PCSK2: variants seen among roughly 807,000 people sequenced by gnomAD.
The protein encoded by PCSK2 is proprotein convertase subtilisin/kexin type 2.
A neutral mutation model predicts 69.7 loss-of-function variants in PCSK2; 14 were observed. The ratio of observed to expected loss-of-function variants is 0.20; its 90% confidence interval spans 0.13 to 0.31. PCSK2 has a LOEUF of 0.31. Among genes scored for constraint, PCSK2 ranks in the 10% least tolerant of loss-of-function variants. The pLI, the probability that PCSK2 is intolerant of heterozygous loss-of-function variation, is 1.00. For missense variants in PCSK2, 544 were observed against 842.5 expected (o/e 0.65, Z 4.39); for synonymous variants, 307 against 320.7 (o/e 0.96, Z 0.46).
At chr20:17,428,506 A>C (rs768438545) in intron 6 of PCSK2, among the ~76,000 whole-genome samples, 1 of 152,260 alleles carries the variant, frequency 6.6e-6, no homozygotes, top group East Asian at 1.9e-4. Flanking sequence ...CAGACAGTGC[A>C]CTAGTTGATG....
chr20:17,243,203 A>AT (rs1168829034), intron 1 of PCSK2, among the ~76,000 whole-genome samples: 2 of 152,026 alleles, frequency 1.3e-5, no homozygotes, highest in Non-Finnish European at 2.9e-5. Context: ...TGTTTGGGTA[A>AT]TTTTTTATTG....
intron 1 of PCSK2, among the ~76,000 whole-genome samples, chr20:17,230,660 C>T (rs8126028): frequency 0.18 from 27,410 of 151,916 alleles, 2,977 homozygotes; most frequent in Non-Finnish European, 0.25. Flanking sequence ...CTAATGGGTA[C>T]GTGTATTTAT....
intron 5 of PCSK2, among the ~76,000 whole-genome samples, chr20:17,376,715 A>C (rs1269337114): frequency 6.6e-6 from 1 of 152,232 alleles, no homozygotes; most frequent in Non-Finnish European, 1.5e-5. Flanking sequence ...TCAACAGTGC[A>C]GTTTACCTAT....
At chr20:17,247,865 G>A (rs1444119643) in intron 1 of PCSK2, among the ~76,000 whole-genome samples, 1 of 152,170 alleles carries the variant, frequency 6.6e-6, no homozygotes, top group Non-Finnish European at 1.5e-5. Flanking sequence ...GTTCCCTACT[G>A]CTGGGAAAAT....
At chr20:17,348,350 G>A (rs909806109) in intron 2 of PCSK2, among the ~76,000 whole-genome samples, 2 of 152,208 alleles carry the variant, frequency 1.3e-5, no homozygotes, top group Non-Finnish European at 2.9e-5. Flanking sequence ...TTTGGAACAA[G>A]GGAAGTCACT....
intron 6 of PCSK2, among the ~76,000 whole-genome samples, chr20:17,410,126 A>G (rs74399216): frequency 6.8e-6 from 1 of 147,988 alleles, no homozygotes; most frequent in Admixed American, 6.7e-5. Flanking sequence ...CACTTTATCC[A>G]TTTTTTTTTT....
chr20:17,251,092 T>A (rs1418232301), intron 1 of PCSK2, among the ~76,000 whole-genome samples: 1 of 151,554 alleles, frequency 6.6e-6, no homozygotes, highest in African/African-American at 2.4e-5. Flanking sequence ...AAAGTGAGAC[T>A]CCAAAAAATT....
chr20:17,393,246 A>T (rs1031607319), intron 5 of PCSK2, among the ~76,000 whole-genome samples: 1 of 152,164 alleles, frequency 6.6e-6, no homozygotes, highest in African/African-American at 2.4e-5. Context: ...CTAAGCTAAG[A>T]TACTTCATTC....
chr20:17,258,154 A>T (rs563063822), intron 1 of PCSK2, among the ~76,000 whole-genome samples: 2 of 152,268 alleles, frequency 1.3e-5, no homozygotes, highest in East Asian at 3.9e-4. Flanking sequence ...TCTACTATGT[A>T]TTTGGCTACT....
At chr20:17,380,966 G>A (rs1366346564) in intron 5 of PCSK2, among the ~76,000 whole-genome samples, 4 of 152,044 alleles carry the variant, frequency 2.6e-5, no homozygotes, top group Non-Finnish European at 5.9e-5. Flanking sequence ...TTTCCCCTGG[G>A]AGCACATCCT....
At chr20:17,421,807 TAAAAAAAAAAAAAAAA>T (rs56376793) in intron 6 of PCSK2, among the ~76,000 whole-genome samples, 9 of 78,968 alleles carry the variant, frequency 1.1e-4, no homozygotes, top group African/African-American at 3.0e-4. Context: ...GGAAGAGAGG[TAAAAAAAAAAAAAAAA>T]AAAAAAAAAA....
chr20:17,436,929 C>T, intron 8 of PCSK2, 46 bp downstream of exon 8: 1 of 1,507,622 alleles, frequency 6.6e-7, no homozygotes, highest in Admixed American at 2.2e-5. Flanking sequence ...CAAGTTGGGA[C>T]AAAGTGGGTG....
intron 1 of PCSK2, among the ~76,000 whole-genome samples, chr20:17,241,482 G>C (rs1223067932): frequency 6.6e-6 from 1 of 152,180 alleles, no homozygotes; most frequent in Non-Finnish European, 1.5e-5. Context: ...AAGAAGTTGA[G>C]CTAATAGTGA....
intron 5 of PCSK2, 35 bp downstream of exon 5, chr20:17,369,312 G>A: frequency 6.3e-7 from 1 of 1,585,616 alleles, no homozygotes; most frequent in Non-Finnish European, 8.7e-7. Flanking sequence ...GGAAACAGAT[G>A]CATCTTAAAT....
intron 2 of PCSK2, among the ~76,000 whole-genome samples, chr20:17,286,064 G>A (rs1015127999): frequency 4.6e-5 from 7 of 152,122 alleles, no homozygotes; most frequent in African/African-American, 1.7e-4. Flanking sequence ...ATAAATGTAA[G>A]GCAGAAATGG....
chr20:17,414,870 G>T (rs2031963394), intron 6 of PCSK2, among the ~76,000 whole-genome samples: 1 of 152,164 alleles, frequency 6.6e-6, no homozygotes, highest in Non-Finnish European at 1.5e-5. Flanking sequence ...GGAATGCAAG[G>T]CTGGTTCAAC....
In PCSK2 at chr20:17,388,873, A is replaced by C. The variant is rs111836834; in HGVS notation, c.543+19596A>C. Among the ~76,000 whole-genome samples the C allele has an allele frequency of 9.3e-3, 1,422 of 152,314 alleles. 9 individuals carry two copies. The highest frequency in any genetic ancestry group is 0.015 in the South Asian group (73 of 4,822). ...TTTTGACGGGAATATATTTAGTAAC[A>C]GTATCACTGATGTTCAGTCTCAAGC... On this transcript the variant is annotated intron_variant, in intron 5 of 11. Coordinates refer to ENST00000262545, the MANE Select transcript of PCSK2 (RefSeq NM_002594.5).
chr20:17,350,528 T>C (rs114835265), intron 2 of PCSK2, among the ~76,000 whole-genome samples: 2,382 of 152,050 alleles, frequency 0.016, 61 homozygotes, highest in African/African-American at 0.054. Context: ...GAAGTGATCA[T>C]GGCCCAGGTC....
intron 2 of PCSK2, among the ~76,000 whole-genome samples, chr20:17,311,272 T>G (rs1190025582): frequency 6.6e-6 from 1 of 152,216 alleles, no homozygotes; most frequent in Non-Finnish European, 1.5e-5. Flanking sequence ...ACATCTACTT[T>G]TTAACATTTG....
Sources: allele counts gnomAD v4.1 joint callset (sites outside exome capture counted in the v4.1 genomes callset), GRCh38; gene constraint gnomAD v4.1.1; transcripts MANE v1.5; gene names NCBI Gene and HGNC (gene_info 2026-07-23, HGNC 2026-07-21).